Variants in SPA17 observed in about 807,000 individuals in gnomAD.
SPA17 encodes sperm surface protein Sp17.
Under a neutral mutation model 13.8 loss-of-function variants are expected in SPA17, and 7 were observed. That is an observed-to-expected ratio of 0.51 (90% CI 0.29 to 0.95). SPA17 has a LOEUF of 0.95. Ranked by LOEUF, SPA17 falls within the 40% of genes least tolerant of loss-of-function variation. The probability of loss-of-function intolerance (pLI) is 0.08; values close to 1 mark genes in which losing one functional copy is unlikely to be tolerated. For synonymous variants in SPA17, 61 were observed against 59.0 expected, an observed-to-expected ratio of 1.03 and a Z score of -0.16; for missense variants, 170 against 179.3, an observed-to-expected ratio of 0.95 and a Z score of 0.30.
chr11:124,675,576 T>C (rs1943451920), intron 2 of SPA17, 158 bp downstream of exon 2: 1 of 667,532 alleles, frequency 1.5e-6, no homozygotes, highest in Non-Finnish European at 2.4e-6. Context: ...TGTACCTCTT[T>C]GATATGTTCT....
At chr11:124,681,351 T>C (rs1465167663) in intron 2 of SPA17, 38 bp from the exon 3 acceptor site, 1 of 1,482,376 alleles carries the variant, frequency 6.7e-7, no homozygotes. Context: ...CTTAATGAAT[T>C]CAAATAAATC....
At chr11:124,688,025 A>C (rs888061687) in intron 3 of SPA17, among the ~76,000 whole-genome samples, 1 of 152,130 alleles carries the variant, frequency 6.6e-6, no homozygotes, top group African/African-American at 2.4e-5. Context: ...ATATGTATAT[A>C]TATTCAGGGA....
At position 124,695,776 on chromosome 11, in the gene SPA17, C is replaced by G. The variant is rs942969244; in HGVS notation, c.*1330C>G. ...TTATAGTCACAAAGCCAGTGTTCCC[C>G]CAAAGCTTAAAAACAAGCCAGGATG... On this transcript the variant is annotated 3_prime_UTR_variant, in exon 5 of 5. Transcript: ENST00000227135. 2.6e-5 allele frequency: 4 copies of G among 152,242 alleles called. No individual in the cohort carries two copies. Among genetic ancestry groups the G allele is most frequent in the Non-Finnish European group, 5.9e-5 (4 of 68,070 alleles). 9.4% of individuals were successfully genotyped at this position (152,242 alleles called of 1,614,324 possible).
Position 124,696,323 on chromosome 11 carries a change from A to C in SPA17, c.*1877A>C, listed in dbSNP as rs569736225. On this transcript the variant is annotated 3_prime_UTR_variant, in exon 5 of 5. Transcript: ENST00000227135. Reference sequence around the variant, plus strand: ...ATTGTCAAGGGGGGACCCAGAATTTATGCAAAGACTTAGATTCCCTGACCT... The same window carrying C: ...ATTGTCAAGGGGGGACCCAGAATTTCTGCAAAGACTTAGATTCCCTGACCT... 1 of 152,180 alleles carries C rather than the reference A, an allele frequency of 6.6e-6. No homozygotes were observed. Among genetic ancestry groups the C allele is most frequent in the Non-Finnish European group, 1.5e-5 (1 of 68,008 alleles). The allele number at this position is 152,180 out of a possible 1,614,324, so 9.4% of individuals were successfully genotyped here.
intron 2 of SPA17, among the ~76,000 whole-genome samples, chr11:124,677,657 A>G (rs112752700): frequency 7.0e-4 from 106 of 152,330 alleles, no homozygotes; most frequent in African/African-American, 2.4e-3. Flanking sequence ...TGACAACATA[A>G]AAGTAAACTT....
chr11:124,691,585 C>G (rs555789043), intron 3 of SPA17, 111 bp from the exon 4 acceptor site: 1 of 485,710 alleles, frequency 2.1e-6, no homozygotes, highest in South Asian at 5.7e-5. Context: ...TATTTAATTC[C>G]CCCTATTTCT....
intron 3 of SPA17, among the ~76,000 whole-genome samples, chr11:124,688,402 C>CA (rs1943595311): frequency 6.6e-6 from 1 of 152,082 alleles, no homozygotes; most frequent in Non-Finnish European, 1.5e-5. Context: ...TTGCAGGATA[C>CA]AAAATCAATG....
chr11:124,689,202 T>A (rs1943601965), intron 3 of SPA17, among the ~76,000 whole-genome samples: 1 of 152,120 alleles, frequency 6.6e-6, no homozygotes, highest in South Asian at 2.1e-4. Flanking sequence ...CCTAAAACTG[T>A]AAAAATACTA....
chr11:124,694,485 C>G lies in SPA17; in HGVS notation c.*39C>G. ...ACCTCCAGGAAACATGAAAAATAAT[C>G]CAAATCCATCAACCTTCTTATTAAT... On this transcript the variant is annotated 3_prime_UTR_variant, in exon 5 of 5. Coordinates refer to ENST00000227135, the MANE Select transcript of SPA17 (RefSeq NM_017425.4). 1 of 1,564,662 alleles carries G rather than the reference C, an allele frequency of 6.4e-7. No homozygotes were observed. The highest frequency in any genetic ancestry group is 8.6e-7 in the Non-Finnish European group (1 of 1,157,032).
chr11:124,683,430 A>T (rs1194064853), intron 3 of SPA17, among the ~76,000 whole-genome samples: 1 of 152,130 alleles, frequency 6.6e-6, no homozygotes, highest in Non-Finnish European at 1.5e-5. Flanking sequence ...GAAAGCAATT[A>T]ACAATAAGAC....
At position 124,696,700 on chromosome 11, in the gene SPA17, T is replaced by C. The variant is rs2134423400; in HGVS notation, c.*2254T>C. On this transcript the variant is annotated 3_prime_UTR_variant, in exon 5 of 5. Coordinates refer to ENST00000227135, the MANE Select transcript of SPA17 (RefSeq NM_017425.4). The stretch of plus-strand genomic sequence containing the variant: ...CCAACCACTAAATGCTAAGTGCCCT[T>C]AGGCTCAGTCTTTCGACCCCATTTC... 6.6e-6 allele frequency: 1 copy of C among 152,364 alleles called. No homozygotes were observed. Among genetic ancestry groups the C allele is most frequent in the East Asian group, 1.9e-4 (1 of 5,186 alleles). The allele number at this position is 152,364 out of a possible 1,614,324, so 9.4% of individuals were successfully genotyped here. A position where few individuals can be genotyped will look rare whatever the true frequency, so the allele number is the denominator to read the frequency against.
chr11:124,694,327 A>C lies in SPA17; in HGVS notation c.337A>C (p.Lys113Gln). Residue 113 changes from lysine (K) to glutamine (Q), a missense_variant, in exon 5 of 5, where the codon AAA (lysine) becomes CAA (glutamine). Lys to Gln is a moderately conservative substitution (Grantham distance 53). Transcript: ENST00000227135. Reference protein sequence around the residue: ...ILDSSEEDKEKEEVAAVKIQA... With the variant: ...ILDSSEEDKEQEEVAAVKIQA... ...GGACTCTTCTGAGGAAGATAAGGAA[A>C]AAGAAGAGGTTGCTGCTGTCAAAAT... 1 of 1,613,944 alleles carries C rather than the reference A, an allele frequency of 6.2e-7. No homozygotes were observed. The highest frequency in any genetic ancestry group is 8.5e-7 in the Non-Finnish European group (1 of 1,179,972).
rs751567563 is a variant in SPA17, at chr11:124,694,283, T to C, written c.313-20T>C. On this transcript the variant is annotated intron_variant, in intron 4 of 4. Transcript: ENST00000227135. ...ACGCCATATTTAAAGAGTCTCTTAC[T>C]TTTTCTCCTTTCGATGAAGGACTCT... 9.4e-6 allele frequency: 15 copies of C among 1,602,904 alleles called. No homozygotes were observed. In the South Asian group the frequency reaches 1.6e-4, roughly 17 times the overall value.
At chr11:124,690,814 G>A (rs1346051979) in intron 3 of SPA17, among the ~76,000 whole-genome samples, 1 of 152,158 alleles carries the variant, frequency 6.6e-6, no homozygotes, top group Admixed American at 6.5e-5. Flanking sequence ...CAAAGTTCAA[G>A]TTCTCCAGTA....
chr11:124,679,323 C>G (rs1166481942), intron 2 of SPA17, among the ~76,000 whole-genome samples: 2 of 151,532 alleles, frequency 1.3e-5, no homozygotes, highest in African/African-American at 2.4e-5. Context: ...AAAAAAAAAC[C>G]CTTAAGCTGT....
chr11:124,675,399 C>A lies in SPA17; in HGVS notation c.135C>A (p.Ser45Arg), dbSNP rs1315511158. ...IPAFAAAYFE[S>R]LLEKREKTNF... The stretch of plus-strand genomic sequence containing the variant: ...CTTTTGCAGCAGCCTATTTTGAGAG[C>A]CTTCTAGAGAAAAGAGAGAGTAAGC... Residue 45 changes from serine to arginine, a missense_variant, in exon 2 of 5, where the codon AGC becomes AGA. Physicochemically the swap from Ser to Arg is moderately radical, Grantham distance 110. Transcript: ENST00000227135. 3 of 1,611,410 alleles carry A rather than the reference C, an allele frequency of 1.9e-6. No homozygotes were observed. Among genetic ancestry groups the A allele is most frequent in the East Asian group, 4.5e-5 (2 of 44,856 alleles).
intron 2 of SPA17, among the ~76,000 whole-genome samples, chr11:124,678,480 T>C (rs116993437): frequency 2.2e-3 from 330 of 151,922 alleles, no homozygotes; most frequent in Non-Finnish European, 4.0e-3. Flanking sequence ...GCCAGTATGC[T>C]ATCATTTAAC....
chr11:124,696,439 C>T lies in SPA17; in HGVS notation c.*1993C>T, dbSNP rs1943671967. ...AGATGAGTTAGCTTTTTCAGTAATTCTCCTGTTATACACATAAAGTGACTA... is the reference window on the plus strand; with the variant it reads ...AGATGAGTTAGCTTTTTCAGTAATTTTCCTGTTATACACATAAAGTGACTA... On this transcript the variant is annotated 3_prime_UTR_variant, in exon 5 of 5. Transcript: ENST00000227135. 1 of 151,502 alleles carries T rather than the reference C, an allele frequency of 6.6e-6. No individual in the cohort carries two copies. The allele number at this position is 151,502 out of a possible 1,614,324, so 9.4% of individuals were successfully genotyped here. A position where few individuals can be genotyped will look rare whatever the true frequency, so the allele number is the denominator to read the frequency against.
chr11:124,692,505 G>A (rs890077861), intron 4 of SPA17, among the ~76,000 whole-genome samples: 10 of 152,102 alleles, frequency 6.6e-5, no homozygotes, highest in African/African-American at 1.4e-4. Context: ...GTGTGAACCC[G>A]GGAGGCGGAG....
Sources: gnomAD v4.1 joint callset for allele counts (sites outside exome capture counted in the v4.1 genomes callset) on GRCh38, gnomAD v4.1.1 for gene constraint, MANE v1.5 for transcripts, NCBI Gene and HGNC (gene_info 2026-07-23, HGNC 2026-07-21) for gene names.